The following RABL6 variants were observed in gnomAD, a reference collection of about 807,000 sequenced individuals.
The protein encoded by RABL6 is rab-like protein 6.
In RABL6, 28 loss-of-function variants were observed where a neutral mutation model predicts 72.9. The observed-to-expected ratio is 0.38, with a 90% confidence interval of 0.28 to 0.53. The LOEUF (loss-of-function observed/expected upper bound fraction) is 0.53, where lower values mean the gene tolerates loss of function less well. RABL6 is among the 20% of genes least tolerant of loss of function. The probability of loss-of-function intolerance (pLI) is 0.80; values close to 1 mark genes in which losing one functional copy is unlikely to be tolerated. For missense variants in RABL6, 1,029 were observed against 1,008.4 expected (o/e 1.02, Z -0.28); for synonymous variants, 477 against 421.2 (o/e 1.13, Z -1.62).
chr9:136,824,875 T>C (rs765229095), intron 2 of RABL6, among the ~76,000 whole-genome samples: 1 of 152,176 alleles, frequency 6.6e-6, no homozygotes, highest in Non-Finnish European at 1.5e-5. Context: ...CCGCACCCTC[T>C]TCCTGGTTTG....
intron 2 of RABL6, among the ~76,000 whole-genome samples, chr9:136,824,210 G>A (rs1291659694): frequency 1.3e-5 from 2 of 152,098 alleles, no homozygotes; most frequent in Admixed American, 6.5e-5. Flanking sequence ...CAGCTGTGGC[G>A]AGGCTCCTGC....
At chr9:136,811,271 A>C (rs1161121255) in intron 1 of RABL6, among the ~76,000 whole-genome samples, 1 of 152,188 alleles carries the variant, frequency 6.6e-6, no homozygotes, top group African/African-American at 2.4e-5. Flanking sequence ...TTTGGTCCAC[A>C]AAGGCGGGAC....
intron 5 of RABL6, among the ~76,000 whole-genome samples, chr9:136,830,764 G>A (rs936819925): frequency 2.0e-5 from 3 of 152,388 alleles, no homozygotes; most frequent in Admixed American, 1.3e-4. Context: ...ACTTGAGCCA[G>A]CCTGAGAAGA....
rs537059748 is a variant in RABL6 at position 136,840,266 on chromosome 9, G to T, written c.1989+54G>T. On this transcript the variant is annotated intron_variant, in intron 14 of 14. Transcript: ENST00000311502. ...CAGGACTGGGTGGCATGCGGTCCTGGGACCAGGGCTGTGGCTTCCTGTGAC... is the reference window on the plus strand; with the variant it reads ...CAGGACTGGGTGGCATGCGGTCCTGTGACCAGGGCTGTGGCTTCCTGTGAC... The T allele has an allele frequency of 1.7e-5, 28 of 1,612,100 alleles. No individual in the cohort carries two copies. In the African/African-American group the frequency reaches 3.5e-4, roughly 20 times the overall value.
chr9:136,821,961 T>G, intron 1 of RABL6: 1 of 1,289,254 alleles, frequency 7.8e-7, no homozygotes, highest in Non-Finnish European at 1.0e-6. Flanking sequence ...GGCGCCGAGA[T>G]ATGACCAGAG....
At chr9:136,817,244 C>T (rs1000615416) in intron 1 of RABL6, among the ~76,000 whole-genome samples, 3 of 152,036 alleles carry the variant, frequency 2.0e-5, no homozygotes, top group African/African-American at 7.3e-5. Flanking sequence ...AGCCCATGTC[C>T]AGTACAAGTT....
intron 1 of RABL6, chr9:136,809,482 A>G (rs942834491): frequency 5.9e-5 from 17 of 289,714 alleles, no homozygotes; most frequent in Non-Finnish European, 1.1e-4. Context: ...CTAGGTATGA[A>G]AGTTGGTGTC....
chr9:136,823,660 G>GT lies in RABL6; in HGVS notation c.265+2dup. On this transcript the variant is annotated splice_donor_variant, in intron 2 of 14. Coordinates refer to ENST00000311502, the MANE Select transcript of RABL6 (RefSeq NM_024718.5). LOFTEE classifies it high-confidence loss of function. ...ACCAGCATCCACTGGAGCTACAAGA[G>GT]TAAGTGTGGTGGGTGCCCCAGTGGG... 6.2e-7 allele frequency: 1 copy of GT among 1,606,648 alleles called. No homozygotes were observed. The highest frequency in any genetic ancestry group is 8.5e-7 in the Non-Finnish European group (1 of 1,174,766).
At chr9:136,839,917 TG>T in intron 13 of RABL6, 52 bp downstream of exon 13, 2 of 1,573,664 alleles carry the variant, frequency 1.3e-6, no homozygotes, top group African/African-American at 2.7e-5. Flanking sequence ...GGGTAGAACG[TG>T]GGCCTCCTCC....
chr9:136,834,064 T>C, intron 7 of RABL6: 1 of 1,438,160 alleles, frequency 7.0e-7, no homozygotes, highest in South Asian at 1.6e-5. Context: ...GACTATCCTT[T>C]TGCTATGGAT....
rs1848689055 is a variant in RABL6 at position 136,841,082 on chromosome 9, A to G, written c.*560A>G. ...TGGGAGTGGGGGTTGTGTTTCCCAC[A>G]GTGGCCTCAGCTGCGCCCCCGCTCA... is the stretch of plus-strand genomic sequence containing the variant. On this transcript the variant is annotated 3_prime_UTR_variant, in exon 15 of 15. Transcript: ENST00000311502. 2.1e-6 allele frequency: 3 copies of G among 1,400,416 alleles called. No individual in the cohort carries two copies. Among genetic ancestry groups the G allele is most frequent in the African/African-American group, 2.9e-5 (2 of 68,802 alleles). The allele number at this position is 1,400,416 out of a possible 1,614,324, so 86.7% of individuals were successfully genotyped here. A position where few individuals can be genotyped will look rare whatever the true frequency, so the allele number is the denominator to read the frequency against.
rs778242861 is a variant in RABL6 at position 136,839,342 on chromosome 9, C to G, written c.1614C>G (p.Pro538=). The change falls in exon 12 of 15, where the codon CCC becomes CCG. Residue 538 remains proline, a synonymous_variant. Coordinates refer to ENST00000311502, the MANE Select transcript of RABL6 (RefSeq NM_024718.5). ...TGPEKRSSTR[P]PAEMEPGKGE... Reference sequence around the variant, plus strand: ...CGGAGAAGCGCAGCAGCACCAGGCCCCCTGCTGAGATGGAGCCGGGGAAGG... The same window carrying G: ...CGGAGAAGCGCAGCAGCACCAGGCCGCCTGCTGAGATGGAGCCGGGGAAGG... 1.9e-6 allele frequency: 3 copies of G among 1,612,682 alleles called. No homozygotes were observed. The Admixed American group carries it at 5.0e-5, about 27-fold the overall frequency.
At chr9:136,822,047 G>C in intron 1 of RABL6, 1 of 1,289,648 alleles carries the variant, frequency 7.8e-7, no homozygotes, top group Non-Finnish European at 1.0e-6. Flanking sequence ...AGAAATGACT[G>C]TGGGAACAGG....
At chr9:136,833,551 T>C (rs1222145376) in intron 7 of RABL6, 34 of 733,558 alleles carry the variant, frequency 4.6e-5, no homozygotes, top group Admixed American at 2.2e-4. Context: ...GGGACCTGAA[T>C]CTCCTCACCC....
At position 136,831,840 on chromosome 9, in the gene RABL6, A is replaced by C; in HGVS notation, c.578A>C (p.Asp193Ala). The C allele has an allele frequency of 6.2e-7, 1 of 1,612,194 alleles. No homozygotes were observed. The highest frequency in any genetic ancestry group is 2.2e-5 in the East Asian group (1 of 44,848). ...HRVILPDDVR[D>A]FIDNLDRPPG... The stretch of plus-strand genomic sequence containing the variant: ...GTCATCCTGCCGGACGACGTGCGTG[A>C]CTTCATCGACAACCTGGACAGGTGG... The change falls in exon 6 of 15, where the codon GAC becomes GCC. Residue 193 changes from aspartate (D) to alanine (A), a missense_variant. By Grantham distance (126) the Asp-to-Ala change is moderately radical (BLOSUM62 -2). Transcript: ENST00000311502.
chr9:136,840,874 C>T lies in RABL6; in HGVS notation c.*352C>T. The T allele has an allele frequency of 6.5e-7, 1 of 1,530,606 alleles. No individual in the cohort carries two copies. Among genetic ancestry groups the T allele is most frequent in the Non-Finnish European group, 8.8e-7 (1 of 1,135,186 alleles). 94.8% of individuals were successfully genotyped at this position (1,530,606 alleles called of 1,614,324 possible). On this transcript the variant is annotated 3_prime_UTR_variant, in exon 15 of 15. Transcript: ENST00000311502. Reference sequence around the variant, plus strand: ...CAGAGGCTGGGCAGGGGCCGCTTGGCTGTGGGGTGTGCGCTGCCCCGGCAC... The same window carrying T: ...CAGAGGCTGGGCAGGGGCCGCTTGGTTGTGGGGTGTGCGCTGCCCCGGCAC...
chr9:136,816,346 C>A (rs1848118949), intron 1 of RABL6, among the ~76,000 whole-genome samples: 1 of 151,870 alleles, frequency 6.6e-6, no homozygotes, highest in South Asian at 2.1e-4. Context: ...CCCAAGCGAT[C>A]CATCTGCCTT....
chr9:136,824,326 GTTTTTTT>G (rs34760204), intron 2 of RABL6, among the ~76,000 whole-genome samples: 8 of 75,054 alleles, frequency 1.1e-4, no homozygotes, highest in African/African-American at 4.2e-4. Context: ...GTTTGGTTGG[GTTTTTTT>G]TTTTTTTTTT....
chr9:136,816,071 C>G (rs1461461625), intron 1 of RABL6, among the ~76,000 whole-genome samples: 1 of 148,942 alleles, frequency 6.7e-6, no homozygotes, highest in Non-Finnish European at 1.5e-5. Context: ...AAAGAAAACC[C>G]AAGATCAAGG....
Sources: gnomAD v4.1 joint callset for allele counts (sites outside exome capture counted in the v4.1 genomes callset) on GRCh38, gnomAD v4.1.1 for gene constraint, MANE v1.5 for transcripts, NCBI Gene and HGNC (gene_info 2026-07-23, HGNC 2026-07-21) for gene names.